Variants in GPD1L observed in about 807,000 individuals in gnomAD.
GPD1L encodes glycerol-3-phosphate dehydrogenase 1 like, also known as glycerol-3-phosphate dehydrogenase 1-like protein.
GPD1L carries 17 observed loss-of-function variants against 32.9 expected under a neutral mutation model. That is an observed-to-expected ratio of 0.52 (90% confidence interval 0.35 to 0.78). The LOEUF is 0.78. GPD1L is among the 30% of genes least tolerant of loss of function. The probability of loss-of-function intolerance (pLI) is 0.01; values close to 1 mark genes in which losing one functional copy is unlikely to be tolerated. For synonymous variants in GPD1L, 187 were observed against 165.9 expected (o/e 1.13, Z -0.98); for missense variants, 361 against 447.8 (o/e 0.81, Z 1.75).
intron 2 of GPD1L, among the ~76,000 whole-genome samples, chr3:32,134,297 A>G (rs1345098064): frequency 6.6e-6 from 1 of 152,234 alleles, no homozygotes; most frequent in African/African-American, 2.4e-5. Context: ...CACCATAAAA[A>G]TACAGCTCAC....
rs573952297 is a variant in GPD1L at position 32,156,644 on chromosome 3, G to A, written c.619-2232G>A. 5.8e-4 allele frequency among the ~76,000 whole-genome samples: 88 copies of A among 152,154 alleles called. 1 individual carries two copies. The highest frequency in any genetic ancestry group is 2.0e-3 in the African/African-American group (83 of 41,514). On this transcript the variant is annotated intron_variant, in intron 5 of 7. Transcript: ENST00000282541. ...TTTTTTTCATGTGAAGTATCTTTGC[G>A]CCTCGGTCTTCTGGTAAGCAATAGC...
intron 4 of GPD1L, among the ~76,000 whole-genome samples, chr3:32,144,927 C>T (rs997277897): frequency 3.8e-4 from 57 of 151,116 alleles, no homozygotes; most frequent in Middle Eastern, 3.4e-3. Context: ...TGGTCTCGAA[C>T]TCCTGACCTC....
At chr3:32,147,578 T>C (rs1700850833) in intron 5 of GPD1L, among the ~76,000 whole-genome samples, 1 of 152,170 alleles carries the variant, frequency 6.6e-6, no homozygotes, top group African/African-American at 2.4e-5. Flanking sequence ...CCCCTCACTA[T>C]CTAAGTTGCC....
chr3:32,124,782 A>G (rs1386447260), intron 1 of GPD1L, among the ~76,000 whole-genome samples: 1 of 152,106 alleles, frequency 6.6e-6, no homozygotes, highest in Non-Finnish European at 1.5e-5. Flanking sequence ...TTAAAAAATT[A>G]GCTGGGCGTG....
At chr3:32,128,842 A>C (rs1214241930) in intron 2 of GPD1L, among the ~76,000 whole-genome samples, 1 of 152,212 alleles carries the variant, frequency 6.6e-6, no homozygotes. Flanking sequence ...GCTGTACCCT[A>C]AGTGCATGAG....
chr3:32,125,371 G>A (rs1222281956), intron 1 of GPD1L, among the ~76,000 whole-genome samples: 1 of 152,238 alleles, frequency 6.6e-6, no homozygotes, highest in Non-Finnish European at 1.5e-5. Context: ...CAGCTGGTCA[G>A]GCTCACTCAT....
At chr3:32,139,446 C>G (rs1228451337) in intron 3 of GPD1L, among the ~76,000 whole-genome samples, 1 of 152,192 alleles carries the variant, frequency 6.6e-6, no homozygotes, top group Admixed American at 6.5e-5. Context: ...ATTACTTTAT[C>G]ATAAATTTGT....
intron 1 of GPD1L, among the ~76,000 whole-genome samples, chr3:32,118,637 A>G (rs1402262706): frequency 2.0e-5 from 3 of 152,172 alleles, no homozygotes; most frequent in Non-Finnish European, 2.9e-5. Context: ...ATTTTTAAGC[A>G]TACGGTTTAG....
At chr3:32,123,819 TAGATAGATAGATAGATAGATAGACAGAC>T (rs1455187825) in intron 1 of GPD1L, among the ~76,000 whole-genome samples, 2 of 145,262 alleles carry the variant, frequency 1.4e-5, no homozygotes, top group Non-Finnish European at 3.1e-5. Context: ...GATAGATAGA[TAGATAGATAGATAGATAGATAGACAGAC>T]AGATAAGACC....
At position 32,167,622 on chromosome 3, in the gene GPD1L, A is replaced by T. The variant is rs1701166246; in HGVS notation, c.*1712A>T. ...TACTGTTTTAAATGAGATTGGCTTC[A>T]GAATCCATTACAGTTACCTTACATA... On this transcript the variant is annotated 3_prime_UTR_variant, in exon 8 of 8. Transcript: ENST00000282541. The T allele has an allele frequency of 1.3e-5, 2 of 152,696 alleles. No individual in the cohort carries two copies. Among genetic ancestry groups the T allele is most frequent in the African/African-American group, 4.8e-5 (2 of 41,468 alleles). 9.5% of individuals were successfully genotyped at this position (152,696 alleles called of 1,614,324 possible).
Position 32,106,729 on chromosome 3 carries a change from G to T in GPD1L, c.18G>T (p.Leu6=). ...GCCCGGCCATGGCAGCGGCGCCCCT[G>T]AAAGTGTGCATCGTGGGCTCGGGGA... MAAAP[L]KVCIVGSGNW... Residue 6 remains leucine (L), a synonymous_variant, in exon 1 of 8, where the codon CTG becomes CTT. Transcript: ENST00000282541. The surrounding 1 kb of genome is among the most constrained non-coding windows in gnomAD (Gnocchi z 4.0). 6.4e-7 allele frequency: 1 copy of T among 1,564,046 alleles called. No homozygotes were observed. Among genetic ancestry groups the T allele is most frequent in the Non-Finnish European group, 8.6e-7 (1 of 1,156,250 alleles).
Position 32,131,972 on chromosome 3 carries a change from C to T in GPD1L, c.225+3719C>T, listed in dbSNP as rs77183734. Among the ~76,000 whole-genome samples the T allele has an allele frequency of 5.2e-3, 790 of 152,310 alleles. 5 individuals are homozygous for T. Among genetic ancestry groups the T allele is most frequent in the Middle Eastern group, 0.01 (3 of 294 alleles). ...GATTTTCATTTGCCTGATGGCTAAC[C>T]ATGTTGAGCATCTTGTGCTTATTGT... On this transcript the variant is annotated intron_variant, in intron 2 of 7. Coordinates refer to ENST00000282541, the MANE Select transcript of GPD1L (RefSeq NM_015141.4).
intron 1 of GPD1L, among the ~76,000 whole-genome samples, chr3:32,111,483 T>G (rs1284400017): frequency 6.6e-6 from 1 of 152,188 alleles, no homozygotes; most frequent in Non-Finnish European, 1.5e-5. Flanking sequence ...TTAAATGAAA[T>G]GATCTGGGGA....
intron 5 of GPD1L, among the ~76,000 whole-genome samples, chr3:32,157,459 G>T (rs1396454950): frequency 6.6e-6 from 1 of 152,046 alleles, no homozygotes; most frequent in Non-Finnish European, 1.5e-5. Context: ...TCTCCCCTGG[G>T]GGCATCTTCA....
intron 7 of GPD1L, among the ~76,000 whole-genome samples, chr3:32,161,430 T>C (rs746445632): frequency 6.6e-6 from 1 of 152,118 alleles, no homozygotes; most frequent in Non-Finnish European, 1.5e-5. Context: ...CAGACAGTGA[T>C]ATGTTTGTGT....
intron 1 of GPD1L, among the ~76,000 whole-genome samples, chr3:32,114,712 AGT>A (rs143685983): frequency 0.023 from 3,515 of 152,204 alleles, 143 homozygotes; most frequent in African/African-American, 0.077. Flanking sequence ...CCTCACGGTG[AGT>A]GTTACAGTTC....
intron 2 of GPD1L, among the ~76,000 whole-genome samples, chr3:32,135,965 G>A (rs532661955): frequency 4.6e-5 from 7 of 152,304 alleles, no homozygotes; most frequent in African/African-American, 1.4e-4. Flanking sequence ...TGCCACTAAC[G>A]GTGGAGAAGT....
intron 5 of GPD1L, among the ~76,000 whole-genome samples, chr3:32,147,095 G>A (rs1258774097): frequency 6.6e-6 from 1 of 152,206 alleles, no homozygotes; most frequent in Non-Finnish European, 1.5e-5. Flanking sequence ...AGCAGGAAAA[G>A]GAACTTGTTT....
Position 32,159,447 on chromosome 3 carries a change from A to G in GPD1L, c.853-121A>G, listed in dbSNP as rs561286211. ...CAAGTTCGAGGCCAGCCTGCACAGC[A>G]TAGCAAGACCCATTCTCTAAAAAAA... On this transcript the variant is annotated intron_variant, in intron 6 of 7. Transcript: ENST00000282541. The G allele has an allele frequency of 1.3e-4, 91 of 721,366 alleles. No individual in the cohort carries two copies. The Middle Eastern group carries it at 1.6e-3, about 13-fold the overall frequency. The allele number at this position is 721,366 out of a possible 1,614,324, so 44.7% of individuals were successfully genotyped here. A position where few individuals can be genotyped will look rare whatever the true frequency, so the allele number is the denominator to read the frequency against.
Sources: allele counts gnomAD v4.1 joint callset (sites outside exome capture counted in the v4.1 genomes callset), GRCh38; gene constraint gnomAD v4.1.1; non-coding constraint Gnocchi (gnomAD v3.1); transcripts MANE v1.5; gene names NCBI Gene and HGNC (gene_info 2026-07-23, HGNC 2026-07-21).